The following PIK3C2G variants were observed in gnomAD, a reference collection of about 807,000 sequenced individuals.
PIK3C2G encodes the protein phosphatidylinositol-4-phosphate 3-kinase catalytic subunit type 2 gamma.
A neutral mutation model predicts 181.1 loss-of-function variants in PIK3C2G; 168 were observed. That is an observed-to-expected ratio of 0.93 (90% CI 0.82 to 1.05). The LOEUF is 1.05. Among genes scored for constraint, PIK3C2G ranks in the 50% least tolerant of loss-of-function variants. The pLI, the probability that PIK3C2G is intolerant of heterozygous loss-of-function variation, is 0.00. For synonymous variants in PIK3C2G, 573 were observed against 592.2 expected (o/e 0.97, Z 0.47); for missense variants, 1,869 against 1,732.8 (o/e 1.08, Z -1.40).
chr12:18,486,693 T>G (rs984965890), intron 18 of PIK3C2G, among the ~76,000 whole-genome samples: 2 of 151,436 alleles, frequency 1.3e-5, no homozygotes, highest in African/African-American at 4.8e-5. Context: ...ATATTCAAAG[T>G]GTATGAAAGT....
upstream of PIK3C2G, among the ~76,000 whole-genome samples, chr12:18,244,861 A>G (rs1369825940): frequency 6.6e-6 from 1 of 152,100 alleles, no homozygotes. Context: ...TAAAAAGAAG[A>G]AGGCACAATT....
intron 18 of PIK3C2G, among the ~76,000 whole-genome samples, chr12:18,439,589 T>C (rs1946628610): frequency 6.6e-6 from 1 of 152,060 alleles, no homozygotes; most frequent in Non-Finnish European, 1.5e-5. Flanking sequence ...CTCATGTATG[T>C]ATCTGGGGTA....
At chr12:18,480,441 C>T (rs996675542) in intron 18 of PIK3C2G, among the ~76,000 whole-genome samples, 4 of 151,984 alleles carry the variant, frequency 2.6e-5, no homozygotes, top group Admixed American at 2.6e-4. Context: ...TAGGCTGGAA[C>T]ATGTGAACAT....
At chr12:18,585,393 T>C (rs1312051366) in intron 29 of PIK3C2G, among the ~76,000 whole-genome samples, 1 of 151,206 alleles carries the variant, frequency 6.6e-6, no homozygotes, top group Non-Finnish European at 1.5e-5. Flanking sequence ...GTTGTAATCC[T>C]AATTTCCAAC....
chr12:18,309,564 C>T (rs1950556804), intron 5 of PIK3C2G, among the ~76,000 whole-genome samples: 1 of 151,662 alleles, frequency 6.6e-6, no homozygotes, highest in South Asian at 2.1e-4. Context: ...CTTTATTTTG[C>T]CACTCAAGCA....
intron 18 of PIK3C2G, among the ~76,000 whole-genome samples, chr12:18,438,955 A>C (rs576183497): frequency 6.6e-6 from 1 of 152,044 alleles, no homozygotes; most frequent in South Asian, 2.1e-4. Flanking sequence ...GTCATTTAGA[A>C]AGGATAAGAA....
At chr12:18,260,335 TA>T (rs1324406162), upstream of PIK3C2G, among the ~76,000 whole-genome samples, 1 of 152,098 alleles carries the variant, frequency 6.6e-6, no homozygotes, top group African/African-American at 2.4e-5. Context: ...TCACTACATG[TA>T]AAGTTATTTT....
chr12:18,441,693 T>C (rs148725397), intron 18 of PIK3C2G, among the ~76,000 whole-genome samples: 143 of 152,280 alleles, frequency 9.4e-4, no homozygotes, highest in Non-Finnish European at 1.4e-3. Flanking sequence ...CTTTGTTTTC[T>C]GTATGCAACA....
At chr12:18,662,653 G>A in the PIK3C2G span, among the ~76,000 whole-genome samples, 42 of 152,082 alleles carry the variant, frequency 2.8e-4, no homozygotes, top group Non-Finnish European at 6.0e-4. Context: ...GTAATTATTG[G>A]TTCATATATC....
the PIK3C2G span, among the ~76,000 whole-genome samples, chr12:18,687,184 C>T: frequency 1.4e-4 from 21 of 152,162 alleles, no homozygotes; most frequent in East Asian, 3.7e-3. Context: ...AATCTTTTTC[C>T]ATGACTTTCG....
rs556966571 is a variant in PIK3C2G at position 18,395,382 on chromosome 12, A to C, written c.2126+4130A>C. Among the ~76,000 whole-genome samples, 133 of 151,132 alleles carry C rather than the reference A, an allele frequency of 8.8e-4. 1 individual carries two copies. Among genetic ancestry groups the C allele is most frequent in the African/African-American group, 3.1e-3 (126 of 41,296 alleles). On this transcript the variant is annotated intron_variant, in intron 15 of 32. Coordinates refer to ENST00000538779, the MANE Select transcript of PIK3C2G (RefSeq NM_001288772.2). ...TACTATCTTTGTGTTAAAGATGAAA[A>C]CAACTTTTTCAAATTAGAACTCTAT...
intron 30 of PIK3C2G, among the ~76,000 whole-genome samples, chr12:18,595,300 G>C (rs899444800): frequency 6.6e-6 from 1 of 152,000 alleles, no homozygotes; most frequent in Admixed American, 6.6e-5. Flanking sequence ...ACTATTCCTG[G>C]CTGTTAGTTG....
At chr12:18,248,295 G>C (rs931026270) in intron 1 of PIK3C2G, among the ~76,000 whole-genome samples, 1 of 152,074 alleles carries the variant, frequency 6.6e-6, no homozygotes, top group Non-Finnish European at 1.5e-5. Context: ...TCTTCCGGGC[G>C]GGCGCGGTGG....
intron 32 of PIK3C2G, among the ~76,000 whole-genome samples, chr12:18,643,299 G>A (rs573065360): frequency 3.0e-4 from 45 of 151,996 alleles, no homozygotes; most frequent in African/African-American, 9.2e-4. Context: ...TATACTTGTA[G>A]CATGAATAGA....
chr12:18,450,868 T>C (rs1947307405), intron 18 of PIK3C2G, among the ~76,000 whole-genome samples: 1 of 152,162 alleles, frequency 6.6e-6, no homozygotes, highest in East Asian at 1.9e-4. Context: ...GTCAGGTTTG[T>C]CAAAGATCAG....
chr12:18,430,235 GAAC>G (rs1946078686), intron 18 of PIK3C2G, among the ~76,000 whole-genome samples: 1 of 152,184 alleles, frequency 6.6e-6, no homozygotes, highest in African/African-American at 2.4e-5. Context: ...ATCGTAGGTA[GAAC>G]AACAGTATTG....
the PIK3C2G span, chr12:18,719,424 T>C: frequency 7.0e-7 from 1 of 1,421,074 alleles, no homozygotes; most frequent in African/African-American, 1.5e-5. Flanking sequence ...AAAAATAAAA[T>C]AAATACCTTA....
the PIK3C2G span, among the ~76,000 whole-genome samples, chr12:18,680,843 C>T: frequency 6.6e-6 from 1 of 151,948 alleles, no homozygotes; most frequent in Non-Finnish European, 1.5e-5. Flanking sequence ...TAGAGTTCTC[C>T]TCTGTATTTG....
intron 10 of PIK3C2G, among the ~76,000 whole-genome samples, chr12:18,344,454 C>A (rs1160666437): frequency 1.3e-5 from 2 of 152,072 alleles, no homozygotes; most frequent in African/African-American, 2.4e-5. Context: ...TCATAAAACT[C>A]CAGAACACCA....
Sources: gnomAD v4.1 joint callset for allele counts (sites outside exome capture counted in the v4.1 genomes callset) on GRCh38, gnomAD v4.1.1 for gene constraint, MANE v1.5 for transcripts, NCBI Gene and HGNC (gene_info 2026-07-23, HGNC 2026-07-21) for gene names.